The following ABLIM2 variants were observed in gnomAD, a reference collection of about 807,000 sequenced individuals.
The protein encoded by ABLIM2 is actin-binding LIM protein 2.
Under a neutral mutation model 97.7 loss-of-function variants are expected in ABLIM2, and 53 were observed. That is an observed-to-expected ratio of 0.54 (90% CI 0.44 to 0.68). The LOEUF (loss-of-function observed/expected upper bound fraction) is 0.68. ABLIM2 is among the 30% of genes least tolerant of loss of function. The probability of loss-of-function intolerance (pLI) is 0.00; values close to 1 mark genes in which losing one functional copy is unlikely to be tolerated. For missense variants in ABLIM2, 835 were observed against 867.2 expected, an observed-to-expected ratio of 0.96 and a Z score of 0.47; for synonymous variants, 361 against 345.8, an observed-to-expected ratio of 1.04 and a Z score of -0.49.
chr4:8,132,922 C>T lies in ABLIM2; in HGVS notation c.10+25758G>A, dbSNP rs919535022. Among the ~76,000 whole-genome samples the T allele has an allele frequency of 6.6e-6, 1 of 152,146 alleles. No homozygotes were observed. Among genetic ancestry groups the T allele is most frequent in the Admixed American group, 6.5e-5 (1 of 15,272 alleles). The stretch of plus-strand genomic sequence containing the variant: ...CCAGTTCCTGACTCGATGGGTGTCC[C>T]GTGGCTGCTGTGACACAGTGCCACA... On this transcript the variant is annotated intron_variant, in intron 1 of 20. Transcript: ENST00000447017. The surrounding 1 kb of genome is among the most constrained non-coding windows in gnomAD (Gnocchi z 8.0).
rs943165508 is a variant in ABLIM2, at chr4:8,130,045, G to A, written c.11-23408C>T. On this transcript the variant is annotated intron_variant, in intron 1 of 20. Coordinates refer to ENST00000447017, the MANE Select transcript of ABLIM2 (RefSeq NM_001130083.2). This position sits in a 1 kb window ranked among gnomAD's most constrained non-coding sequence, Gnocchi z 4.2. ...ACTCAGCACTGCCTGGGGTTCCCAC[G>A]GAGAAGGAGCCTCAGATTCCCCTGG... Among the ~76,000 whole-genome samples, 3 of 152,222 alleles carry A rather than the reference G, an allele frequency of 2.0e-5. No individual in the cohort carries two copies. The highest frequency in any genetic ancestry group is 2.9e-5 in the Non-Finnish European group (2 of 68,036).
Position 7,992,457 on chromosome 4 carries a change from C to A in ABLIM2, c.1680+409G>T, listed in dbSNP as rs17771976. Among the ~76,000 whole-genome samples, 15,089 of 152,148 alleles carry A rather than the reference C, an allele frequency of 0.099. 895 individuals carry two copies. The highest frequency in any genetic ancestry group is 0.17 in the African/African-American group (6,957 of 41,482). On this transcript the variant is annotated intron_variant, in intron 17 of 20. Coordinates refer to ENST00000447017, the MANE Select transcript of ABLIM2 (RefSeq NM_001130083.2). This position sits in a 1 kb window ranked among gnomAD's most constrained non-coding sequence, Gnocchi z 5.7. Reference sequence around the variant, plus strand: ...ATAGCAGGGAAGGCCAGGGCATCCCCGAGAAGGAGGTGGGCACTTGGCTCA... The same window carrying A: ...ATAGCAGGGAAGGCCAGGGCATCCCAGAGAAGGAGGTGGGCACTTGGCTCA...
chr4:8,137,549 C>T (rs1449656604), intron 1 of ABLIM2, among the ~76,000 whole-genome samples: 1 of 152,184 alleles, frequency 6.6e-6, no homozygotes, highest in Non-Finnish European at 1.5e-5. Flanking sequence ...TCATGGGAGC[C>T]CCTAAGAGCT....
In ABLIM2 at chr4:8,010,559, A is replaced by G. The variant is rs528942988; in HGVS notation, c.1424-1457T>C. The G allele has an allele frequency of 5.7e-4, 566 of 985,924 alleles. 3 individuals carry two copies. The African/African-American group carries it at 9.2e-3, about 16-fold the overall frequency. 61.1% of individuals were successfully genotyped at this position (985,924 alleles called of 1,614,324 possible). A position where few individuals can be genotyped will look rare whatever the true frequency, so the allele number is the denominator to read the frequency against. ...GATTGGGCTACAGGACCTTGACAAG[A>G]TAAGGCCAAAATTGAAGACTGAGCA... On this transcript the variant is annotated intron_variant, in intron 14 of 20. Coordinates refer to ENST00000447017, the MANE Select transcript of ABLIM2 (RefSeq NM_001130083.2).
intron 18 of ABLIM2, among the ~76,000 whole-genome samples, chr4:7,983,825 TG>T (rs1200428383): frequency 1.3e-5 from 2 of 152,200 alleles, no homozygotes; most frequent in African/African-American, 4.8e-5. Context: ...GCTTTTCAGC[TG>T]TGATGCTGTC....
rs2152954754 is a variant in ABLIM2 at position 8,148,168 on chromosome 4, A to G, written c.10+10512T>C. On this transcript the variant is annotated intron_variant, in intron 1 of 20. Coordinates refer to ENST00000447017, the MANE Select transcript of ABLIM2 (RefSeq NM_001130083.2). This position sits in a 1 kb window ranked among gnomAD's most constrained non-coding sequence, Gnocchi z 6.7. ...GTTTGGAGTGGCAGGAGGCAGGGGC[A>G]GAGGGAGAAAAGGAAGACGTGGCGG... Among the ~76,000 whole-genome samples, 1 of 152,352 alleles carries G rather than the reference A, an allele frequency of 6.6e-6. No individual in the cohort carries two copies. Among genetic ancestry groups the G allele is most frequent in the Non-Finnish European group, 1.5e-5 (1 of 68,030 alleles).
chr4:7,967,220 C>T (rs1333539734), intron 20 of ABLIM2, 117 bp from the exon 21 acceptor site: 20 of 826,612 alleles, frequency 2.4e-5, no homozygotes, highest in Non-Finnish European at 3.4e-5. Flanking sequence ...GATGGGGTGG[C>T]CCTCAGCGTG....
chr4:8,005,203 G>A lies in ABLIM2; in HGVS notation c.1618+2856C>T, dbSNP rs1232522495. 9 of 448,656 alleles carry A rather than the reference G, an allele frequency of 2.0e-5. No individual in the cohort carries two copies. Among genetic ancestry groups the A allele is most frequent in the Non-Finnish European group, 3.7e-5 (8 of 217,172 alleles). The allele number at this position is 448,656 out of a possible 1,614,324, so 27.8% of individuals were successfully genotyped here. A position where few individuals can be genotyped will look rare whatever the true frequency, so the allele number is the denominator to read the frequency against. Reference sequence around the variant, plus strand: ...GGCGGGATGCGTGTGCGCTCGCTCTGTCGGCGTCTCTGCCTCTCTCAGCTC... The same window carrying A: ...GGCGGGATGCGTGTGCGCTCGCTCTATCGGCGTCTCTGCCTCTCTCAGCTC... On this transcript the variant is annotated intron_variant, in intron 16 of 20. Transcript: ENST00000447017. This position sits in a 1 kb window ranked among gnomAD's most constrained non-coding sequence, Gnocchi z 4.9.
At position 8,106,510 on chromosome 4, in the gene ABLIM2, C is replaced by T. The variant is rs1837487307; in HGVS notation, c.138G>A (p.Lys46=). The T allele has an allele frequency of 1.3e-6, 2 of 1,599,158 alleles. No individual in the cohort carries two copies. Among genetic ancestry groups the T allele is most frequent in the East Asian group, 4.5e-5 (2 of 44,218 alleles). ...GACACTCACCTTTACAGACGAAGCA[C>T]TTGATGTGGAAGTACTTGTCCTGCA... ...LRVQDKYFHI[K]CFVCKACGCD... is the part of the protein sequence containing the mutation. Residue 46 remains lysine, a synonymous_variant, in exon 2 of 21, where the codon AAG becomes AAA. Transcript: ENST00000447017.
In ABLIM2 at chr4:8,132,810, G is replaced by A. The variant is rs967023774; in HGVS notation, c.10+25870C>T. ...TGGGGATACCACGGACTGGGCTGCA[G>A]GGAGACTAAATGAGATGATGCCTCT... is the stretch of plus-strand genomic sequence containing the variant. On this transcript the variant is annotated intron_variant, in intron 1 of 20. Coordinates refer to ENST00000447017, the MANE Select transcript of ABLIM2 (RefSeq NM_001130083.2). This position sits in a 1 kb window ranked among gnomAD's most constrained non-coding sequence, Gnocchi z 8.0. Among the ~76,000 whole-genome samples, 1 of 152,168 alleles carries A rather than the reference G, an allele frequency of 6.6e-6. No homozygotes were observed. The highest frequency in any genetic ancestry group is 1.5e-5 in the Non-Finnish European group (1 of 68,038).
In ABLIM2 at chr4:8,083,187, T is replaced by C. The variant is rs1241242190; in HGVS notation, c.455-2385A>G. ...CTGCATGTCAAGGGAGCACAGCACA[T>C]GGGGCTGTGTGTCGACCAGAGGACA... On this transcript the variant is annotated intron_variant, in intron 4 of 20. Coordinates refer to ENST00000447017, the MANE Select transcript of ABLIM2 (RefSeq NM_001130083.2). This position sits in a 1 kb window ranked among gnomAD's most constrained non-coding sequence, Gnocchi z 4.6. Among the ~76,000 whole-genome samples the C allele has an allele frequency of 1.3e-5, 2 of 152,100 alleles. No individual in the cohort carries two copies. The highest frequency in any genetic ancestry group is 2.9e-5 in the Non-Finnish European group (2 of 68,018).
At chr4:8,036,717 G>T (rs577681792) in intron 9 of ABLIM2, among the ~76,000 whole-genome samples, 1 of 152,188 alleles carries the variant, frequency 6.6e-6, no homozygotes, top group Non-Finnish European at 1.5e-5. Flanking sequence ...ACACCCGAAG[G>T]CTCTGGGGTT....
rs1375415308 is a variant in ABLIM2, at chr4:8,149,726, GCT to G, written c.10+8952_10+8953del. Among the ~76,000 whole-genome samples, 3 of 151,982 alleles carry G rather than the reference GCT, an allele frequency of 2.0e-5. No homozygotes were observed. Among genetic ancestry groups the G allele is most frequent in the African/African-American group, 7.2e-5 (3 of 41,392 alleles). On this transcript the variant is annotated intron_variant, in intron 1 of 20. Transcript: ENST00000447017. The surrounding 1 kb of genome is among the most constrained non-coding windows in gnomAD (Gnocchi z 6.4). The stretch of plus-strand genomic sequence containing the variant: ...GGGACAGAAGGGACATTCTGGAAGA[GCT>G]CTGAGCCCTTGGGAGGCTGTTGACT...
chr4:7,986,897 C>T lies in ABLIM2; in HGVS notation c.1681-2004G>A, dbSNP rs1312044026. 6.6e-6 allele frequency among the ~76,000 whole-genome samples: 1 copy of T among 152,216 alleles called. No homozygotes were observed. The highest frequency in any genetic ancestry group is 1.5e-5 in the Non-Finnish European group (1 of 68,046). On this transcript the variant is annotated intron_variant, in intron 17 of 20. Coordinates refer to ENST00000447017, the MANE Select transcript of ABLIM2 (RefSeq NM_001130083.2). The surrounding 1 kb of genome is among the most constrained non-coding windows in gnomAD (Gnocchi z 4.3). ...TGTTGGCTAAGCTGGTCTCGAACTC[C>T]TGACCTCAGGTGATCCACCCGCGTT... is the stretch of plus-strand genomic sequence containing the variant.
chr4:8,032,219 A>G lies in ABLIM2; in HGVS notation c.1048-2443T>C, dbSNP rs55914629. ...GAAACAGAAAAAAAAAAAAAAAACTAGACCACTAACAGTAAAAGCTCTTTT... is the reference window on the plus strand; with the variant it reads ...GAAACAGAAAAAAAAAAAAAAAACTGGACCACTAACAGTAAAAGCTCTTTT... On this transcript the variant is annotated intron_variant, in intron 10 of 20. Coordinates refer to ENST00000447017, the MANE Select transcript of ABLIM2 (RefSeq NM_001130083.2). The surrounding 1 kb of genome is among the most constrained non-coding windows in gnomAD (Gnocchi z 4.3). 5.0e-3 allele frequency among the ~76,000 whole-genome samples: 754 copies of G among 151,262 alleles called. 1 individual carries two copies. The highest frequency in any genetic ancestry group is 0.016 in the South Asian group (77 of 4,796).
At chr4:8,079,134 C>T (rs1408426855) in intron 5 of ABLIM2, among the ~76,000 whole-genome samples, 1 of 152,234 alleles carries the variant, frequency 6.6e-6, no homozygotes, top group Non-Finnish European at 1.5e-5. Context: ...CTGGGATAAG[C>T]CATCGCTCAG....
intron 1 of ABLIM2, among the ~76,000 whole-genome samples, chr4:8,152,972 G>T (rs1347605139): frequency 6.6e-6 from 1 of 152,212 alleles, no homozygotes; most frequent in African/African-American, 2.4e-5. Context: ...TACCCAGGCA[G>T]AGGCACAGCC....
chr4:7,978,487 AC>A (rs1305430978), intron 20 of ABLIM2, among the ~76,000 whole-genome samples: 1 of 152,244 alleles, frequency 6.6e-6, no homozygotes, highest in Non-Finnish European at 1.5e-5. Context: ...CAAGCATACT[AC>A]AGTTCCAAGA....
At chr4:8,060,769 T>G (rs1166073566) in intron 7 of ABLIM2, among the ~76,000 whole-genome samples, 198 bp downstream of exon 7, 1 of 152,164 alleles carries the variant, frequency 6.6e-6, no homozygotes, top group Non-Finnish European at 1.5e-5. Context: ...CTGAGATCAT[T>G]GGACAGACAA....
Sources: allele counts gnomAD v4.1 joint callset (sites outside exome capture counted in the v4.1 genomes callset), GRCh38; gene constraint gnomAD v4.1.1; non-coding constraint Gnocchi (gnomAD v3.1); transcripts MANE v1.5; gene names NCBI Gene and HGNC (gene_info 2026-07-23, HGNC 2026-07-21).